The following TTC1 variants were observed in gnomAD, a reference collection of about 807,000 sequenced individuals.
TTC1 encodes the protein tetratricopeptide repeat protein 1.
TTC1 carries 31 observed loss-of-function variants against 37.6 expected under a neutral mutation model. The ratio of observed to expected loss-of-function variants is 0.82; its 90% CI spans 0.62 to 1.11. TTC1 has a LOEUF of 1.11. Among genes scored for constraint, TTC1 ranks in the 50% most tolerant of loss-of-function variants. The pLI, the probability that TTC1 is intolerant of heterozygous loss-of-function variation, is 0.00. For missense variants in TTC1, 351 were observed against 339.0 expected, an observed-to-expected ratio of 1.04 and a Z score of -0.28; for synonymous variants, 127 against 122.4, an observed-to-expected ratio of 1.04 and a Z score of -0.25.
rs1757582224 is a variant in TTC1 at position 160,057,827 on chromosome 5, G to A, written c.745+6644G>A. On this transcript the variant is annotated intron_variant, in intron 7 of 7. Transcript: ENST00000231238. This position sits in a 1 kb window ranked among gnomAD's most constrained non-coding sequence, Gnocchi z 4.4. ...TTCTGTCGCCAGGCTGGAGTGCAGTGGCACAATCTTGGCTCACTGCAACCC... is the reference window on the plus strand; with the variant it reads ...TTCTGTCGCCAGGCTGGAGTGCAGTAGCACAATCTTGGCTCACTGCAACCC... Among the ~76,000 whole-genome samples, 1 of 152,134 alleles carries A rather than the reference G, an allele frequency of 6.6e-6. No homozygotes were observed. The highest frequency in any genetic ancestry group is 1.5e-5 in the Non-Finnish European group (1 of 68,038).
rs79832426 is a variant in TTC1 at position 160,018,341 on chromosome 5, A to G, written c.330+7483A>G. On this transcript the variant is annotated intron_variant, in intron 2 of 7. Coordinates refer to ENST00000231238, the MANE Select transcript of TTC1 (RefSeq NM_003314.3). ...TTTGTTATAGCAACCTGACTAAGACAGGTGGAGAGGACTGCTTTAGATTGG... is the reference window on the plus strand; with the variant it reads ...TTTGTTATAGCAACCTGACTAAGACGGGTGGAGAGGACTGCTTTAGATTGG... Among the ~76,000 whole-genome samples the G allele has an allele frequency of 3.7e-3, 560 of 152,320 alleles. 29 individuals carry two copies. In the East Asian group the frequency reaches 0.089, roughly 24 times the overall value.
intron 2 of TTC1, among the ~76,000 whole-genome samples, chr5:160,018,511 C>G (rs1756645233): frequency 6.6e-6 from 1 of 152,036 alleles, no homozygotes; most frequent in African/African-American, 2.4e-5. Context: ...AAAGTAACAA[C>G]AAGTTTGGTG....
intron 4 of TTC1, among the ~76,000 whole-genome samples, chr5:160,040,358 G>T (rs575806739): frequency 6.6e-6 from 1 of 152,134 alleles, no homozygotes; most frequent in South Asian, 2.1e-4. Flanking sequence ...AGTGAGTGGT[G>T]AGTGAATGTG....
intron 4 of TTC1, among the ~76,000 whole-genome samples, chr5:160,037,781 GTT>G (rs78532786): frequency 2.1e-5 from 3 of 144,306 alleles, no homozygotes; most frequent in Non-Finnish European, 1.5e-5. Context: ...AATGAGAGTG[GTT>G]TTTTTTTTTT....
chr5:160,054,411 C>T (rs1343142998), intron 7 of TTC1, among the ~76,000 whole-genome samples: 1 of 152,098 alleles, frequency 6.6e-6, no homozygotes, highest in African/African-American at 2.4e-5. Context: ...CCCAGCAGTT[C>T]GAGACCAGCC....
At chr5:160,046,929 T>A (rs569030221) in intron 5 of TTC1, among the ~76,000 whole-genome samples, 12 of 152,184 alleles carry the variant, frequency 7.9e-5, no homozygotes, top group African/African-American at 2.6e-4. Context: ...GGAGAATCAC[T>A]TGAACCTGGG....
chr5:160,051,245 C>A, intron 7 of TTC1, 62 bp downstream of exon 7: 1 of 1,356,878 alleles, frequency 7.4e-7, no homozygotes, highest in Non-Finnish European at 1.0e-6. Context: ...GGGGACATAG[C>A]GAATACTAGA....
intron 5 of TTC1, among the ~76,000 whole-genome samples, chr5:160,046,486 C>CT (rs1409787474): frequency 1.3e-5 from 2 of 151,396 alleles, no homozygotes; most frequent in South Asian, 2.1e-4. Flanking sequence ...GGACCCTCTT[C>CT]TTTTTTTTTC....
chr5:160,039,831 T>C (rs1409149987), intron 4 of TTC1, among the ~76,000 whole-genome samples: 1 of 152,198 alleles, frequency 6.6e-6, no homozygotes, highest in African/African-American at 2.4e-5. Flanking sequence ...GATATTTGAA[T>C]TGGTATGCTG....
rs367748773 is a variant in TTC1, at chr5:160,048,186, T to G, written c.542-1328T>G. Reference sequence around the variant, plus strand: ...TTGGGACAGAGTATTATCTCTCTGTTGCCCGGGCTGGAGTACAGTGATGCA... The same window carrying G: ...TTGGGACAGAGTATTATCTCTCTGTGGCCCGGGCTGGAGTACAGTGATGCA... On this transcript the variant is annotated intron_variant, in intron 5 of 7. Transcript: ENST00000231238. 3.5e-3 allele frequency among the ~76,000 whole-genome samples: 443 copies of G among 127,364 alleles called. 4 individuals are homozygous for G. Among genetic ancestry groups the G allele is most frequent in the African/African-American group, 0.013 (431 of 34,092 alleles). 83.6% of individuals were successfully genotyped at this position (127,364 alleles called of 152,430 possible). A position where few individuals can be genotyped will look rare whatever the true frequency, so the allele number is the denominator to read the frequency against.
At chr5:160,033,785 G>A (rs1756957546) in intron 2 of TTC1, among the ~76,000 whole-genome samples, 1 of 152,208 alleles carries the variant, frequency 6.6e-6, no homozygotes, top group South Asian at 2.1e-4. Flanking sequence ...GGATATTTGG[G>A]TAGGAACACA....
intron 2 of TTC1, among the ~76,000 whole-genome samples, chr5:160,018,747 A>G (rs1258081773): frequency 1.3e-5 from 2 of 152,126 alleles, no homozygotes; most frequent in African/African-American, 4.8e-5. Flanking sequence ...TTATACAGAG[A>G]ATGGAGGGGT....
intron 2 of TTC1, among the ~76,000 whole-genome samples, chr5:160,026,834 A>G (rs1581098086): frequency 6.6e-6 from 1 of 152,044 alleles, no homozygotes; most frequent in Admixed American, 6.6e-5. Context: ...TTTGTCTTTT[A>G]CAAGTCTCAT....
At chr5:160,051,082 G>GTTTTTTTT (rs5872626) in intron 6 of TTC1, 47 bp from the exon 7 acceptor site, 1 of 1,236,524 alleles carries the variant, frequency 8.1e-7, no homozygotes, top group Non-Finnish European at 1.1e-6. Flanking sequence ...AAAGGTTTTG[G>GTTTTTTTT]TTTTTTTTTT....
chr5:160,061,051 G>A (rs1271216460), intron 7 of TTC1, among the ~76,000 whole-genome samples: 2 of 152,236 alleles, frequency 1.3e-5, no homozygotes, highest in African/African-American at 2.4e-5. Flanking sequence ...CAAGCTGTCA[G>A]TGGCCTCCTG....
chr5:160,050,920 C>T (rs1450587374), intron 6 of TTC1, among the ~76,000 whole-genome samples: 1 of 151,868 alleles, frequency 6.6e-6, no homozygotes, highest in African/African-American at 2.4e-5. Flanking sequence ...GTCACTGCAC[C>T]TGGCCCAAAC....
intron 2 of TTC1, among the ~76,000 whole-genome samples, chr5:160,034,041 A>G (rs1402202405): frequency 6.6e-6 from 1 of 152,112 alleles, no homozygotes; most frequent in East Asian, 1.9e-4. Context: ...ACTTGAGTCC[A>G]AGAGTTCAAG....
At chr5:160,040,945 AT>A (rs200685241) in intron 4 of TTC1, among the ~76,000 whole-genome samples, 12,466 of 145,096 alleles carry the variant, frequency 0.086, 533 homozygotes, top group East Asian at 0.16. Context: ...CTATTAAATA[AT>A]TTTTTTTTTT....
intron 7 of TTC1, among the ~76,000 whole-genome samples, chr5:160,060,600 A>G (rs1017954719): frequency 6.6e-6 from 1 of 152,206 alleles, no homozygotes; most frequent in African/African-American, 2.4e-5. Context: ...CAGCCAGTGG[A>G]AAGTGTGGCA....
Sources: gnomAD v4.1 joint callset for allele counts (sites outside exome capture counted in the v4.1 genomes callset) on GRCh38, gnomAD v4.1.1 for gene constraint, Gnocchi (gnomAD v3.1) non-coding constraint, MANE v1.5 for transcripts, NCBI Gene and HGNC (gene_info 2026-07-23, HGNC 2026-07-21) for gene names.